CLMP: variants seen among roughly 807,000 people sequenced by gnomAD.
The protein encoded by CLMP is CXADR-like membrane protein.
A neutral mutation model predicts 45.2 loss-of-function variants in CLMP; 27 were observed. That is an observed-to-expected ratio of 0.60 (90% CI 0.44 to 0.82). The LOEUF (loss-of-function observed/expected upper bound fraction) is 0.82. Among genes scored for constraint, CLMP ranks in the 40% least tolerant of loss-of-function variants. The pLI, the probability that CLMP is intolerant of heterozygous loss-of-function variation, is 0.00. For missense variants in CLMP, 403 were observed against 448.4 expected, an observed-to-expected ratio of 0.90 and a Z score of 0.91; for synonymous variants, 167 against 171.4, an observed-to-expected ratio of 0.97 and a Z score of 0.20.
chr11:123,151,263 C>CTT (rs1861334281), intron 1 of CLMP, among the ~76,000 whole-genome samples: 7 of 152,224 alleles, frequency 4.6e-5, no homozygotes, highest in Admixed American at 3.3e-4. Flanking sequence ...TGCCATTTCC[C>CTT]TGGCAGTTCT....
chr11:123,078,837 C>T (rs7115329), intron 5 of CLMP, among the ~76,000 whole-genome samples: 4 of 151,794 alleles, frequency 2.6e-5, no homozygotes, highest in Admixed American at 1.3e-4. Flanking sequence ...GTAGAGATGG[C>T]GTTTCACCAT....
chr11:123,174,073 C>A (rs1427546153), intron 1 of CLMP, among the ~76,000 whole-genome samples: 1 of 151,854 alleles, frequency 6.6e-6, no homozygotes, highest in East Asian at 1.9e-4. Flanking sequence ...ACAGGTGGGA[C>A]CCTGTTTCAA....
intron 1 of CLMP, among the ~76,000 whole-genome samples, chr11:123,171,643 C>T (rs1652689626): frequency 6.6e-6 from 1 of 151,816 alleles, no homozygotes; most frequent in Admixed American, 6.6e-5. Context: ...AGGGTTTCAC[C>T]ATGTTGGCCA....
At chr11:123,103,744 T>A (rs2135485013) in intron 1 of CLMP, among the ~76,000 whole-genome samples, 1 of 152,082 alleles carries the variant, frequency 6.6e-6, no homozygotes, top group East Asian at 1.9e-4. Flanking sequence ...GCTTTTACAT[T>A]TTTTTACATT....
chr11:123,148,174 G>A (rs747896270), intron 1 of CLMP, among the ~76,000 whole-genome samples: 5 of 152,152 alleles, frequency 3.3e-5, no homozygotes, highest in South Asian at 2.1e-4. Context: ...AGTACGTGGC[G>A]TGTTTTAAGT....
chr11:123,176,322 A>T (rs547841202), intron 1 of CLMP, among the ~76,000 whole-genome samples: 6 of 149,696 alleles, frequency 4.0e-5, no homozygotes, highest in East Asian at 1.9e-4. Flanking sequence ...TTCCTGAAAT[A>T]AAAAAAAAAT....
At chr11:123,136,448 C>G (rs1465352920) in intron 1 of CLMP, 3 of 411,970 alleles carry the variant, frequency 7.3e-6, no homozygotes, top group Non-Finnish European at 1.3e-5. Flanking sequence ...TCCCCCCCCA[C>G]CCCACCCTCC....
intron 5 of CLMP, among the ~76,000 whole-genome samples, chr11:123,077,988 C>T (rs929466683): frequency 1.3e-5 from 2 of 151,998 alleles, no homozygotes; most frequent in Admixed American, 1.3e-4. Flanking sequence ...GGCCTGTAAT[C>T]CTAGCTCCTC....
At chr11:123,150,569 GAAGGAAGGAAGGA>G (rs1388417641) in intron 1 of CLMP, among the ~76,000 whole-genome samples, 3 of 125,266 alleles carry the variant, frequency 2.4e-5, no homozygotes, top group East Asian at 2.1e-4. Flanking sequence ...GGAAAGGAAG[GAAGGAAGGAAGGA>G]AAGGAAGGAA....
intron 1 of CLMP, among the ~76,000 whole-genome samples, chr11:123,124,243 T>C (rs571898710): frequency 6.6e-6 from 1 of 152,304 alleles, no homozygotes; most frequent in African/African-American, 2.4e-5. Context: ...CTCGAACTCC[T>C]GGCCTCAAGT....
At chr11:123,174,058 G>C (rs1861668492) in intron 1 of CLMP, among the ~76,000 whole-genome samples, 1 of 152,064 alleles carries the variant, frequency 6.6e-6, no homozygotes, top group Non-Finnish European at 1.5e-5. Context: ...ATTCCAGCCT[G>C]GGCAACAGGT....
intron 2 of CLMP, among the ~76,000 whole-genome samples, chr11:123,090,854 T>G (rs768337656): frequency 2.0e-5 from 3 of 152,164 alleles, no homozygotes; most frequent in Non-Finnish European, 4.4e-5. Flanking sequence ...TGAAGATAAT[T>G]CCACCAGACC....
At chr11:123,073,948 A>G (rs1865704697) in intron 6 of CLMP, among the ~76,000 whole-genome samples, 174 bp from the exon 7 acceptor site, 2 of 152,124 alleles carry the variant, frequency 1.3e-5, no homozygotes, top group South Asian at 4.1e-4. Flanking sequence ...TGGCTCACAC[A>G]AATGTATATT....
chr11:123,141,393 CAA>C (rs1861156069), intron 1 of CLMP, among the ~76,000 whole-genome samples: 1 of 151,916 alleles, frequency 6.6e-6, no homozygotes, highest in Admixed American at 6.6e-5. Context: ...ACCGTGTTAC[CAA>C]GGATGGTCTC....
chr11:123,100,173 C>G (rs1455653648), intron 1 of CLMP, among the ~76,000 whole-genome samples: 4 of 152,056 alleles, frequency 2.6e-5, no homozygotes, highest in African/African-American at 4.8e-5. Flanking sequence ...GAGTTTGAGA[C>G]CAGCCTGGCC....
At chr11:123,153,468 C>T (rs560384213) in intron 1 of CLMP, among the ~76,000 whole-genome samples, 1 of 152,270 alleles carries the variant, frequency 6.6e-6, no homozygotes, top group Admixed American at 6.5e-5. Context: ...ATCCTCCTTC[C>T]TTGTGCCCCT....
intron 1 of CLMP, among the ~76,000 whole-genome samples, chr11:123,134,802 C>T (rs1032680890): frequency 1.4e-5 from 2 of 139,764 alleles, no homozygotes; most frequent in African/African-American, 2.9e-5. Context: ...AGTGAGACTC[C>T]GTCTCAAAAA....
At chr11:123,148,764 T>G (rs567784923) in intron 1 of CLMP, among the ~76,000 whole-genome samples, 2 of 152,308 alleles carry the variant, frequency 1.3e-5, no homozygotes, top group Admixed American at 1.3e-4. Context: ...GGGAAGCTAG[T>G]CAATTGCGTG....
intron 1 of CLMP, among the ~76,000 whole-genome samples, chr11:123,161,345 T>G (rs1861484678): frequency 6.6e-6 from 1 of 152,116 alleles, no homozygotes; most frequent in Admixed American, 6.6e-5. Flanking sequence ...AGCCTGCATG[T>G]GAGAAGCACT....
Sources: gnomAD v4.1 joint callset for allele counts (sites outside exome capture counted in the v4.1 genomes callset) on GRCh38, gnomAD v4.1.1 for gene constraint, MANE v1.5 for transcripts, NCBI Gene and HGNC (gene_info 2026-07-23, HGNC 2026-07-21) for gene names.